Variants in LDAH observed in about 807,000 individuals in gnomAD.
LDAH encodes lipid droplet-associated hydrolase.
LDAH carries 26 observed loss-of-function variants against 29.6 expected under a neutral mutation model. The observed-to-expected ratio is 0.88, with a 90% CI of 0.64 to 1.22. The LOEUF (loss-of-function observed/expected upper bound fraction) is 1.22, where lower values mean the gene tolerates loss of function less well. LDAH is among the 50% of genes most tolerant of loss of function. The pLI is 0.00. For synonymous variants in LDAH, 117 were observed against 133.0 expected, an observed-to-expected ratio of 0.88 and a Z score of 0.83; for missense variants, 344 against 387.3, an observed-to-expected ratio of 0.89 and a Z score of 0.94.
rs187613342 is a variant in LDAH at position 20,752,956 on chromosome 2, T to C, written c.469-12751A>G. Among the ~76,000 whole-genome samples the C allele has an allele frequency of 5.4e-4, 77 of 143,002 alleles. 1 individual carries two copies. Among genetic ancestry groups the C allele is most frequent in the African/African-American group, 1.7e-3 (63 of 38,126 alleles). 93.8% of individuals were successfully genotyped at this position (143,002 alleles called of 152,430 possible). Reference sequence around the variant, plus strand: ...TTGCCTCACTCATTCTAAGCTGTATTCTTTGGAGAGAAAACAACGACAACA... The same window carrying C: ...TTGCCTCACTCATTCTAAGCTGTATCCTTTGGAGAGAAAACAACGACAACA... On this transcript the variant is annotated intron_variant, in intron 4 of 6. Coordinates refer to ENST00000237822, the MANE Select transcript of LDAH (RefSeq NM_021925.4).
intron 4 of LDAH, among the ~76,000 whole-genome samples, chr2:20,753,658 C>A (rs1668112258): frequency 6.6e-6 from 1 of 152,186 alleles, no homozygotes; most frequent in African/African-American, 2.4e-5. Flanking sequence ...TCACTTTGCT[C>A]CAGTCACACT....
chr2:20,735,316 T>C (rs1050103149), intron 5 of LDAH, among the ~76,000 whole-genome samples: 4 of 152,162 alleles, frequency 2.6e-5, no homozygotes, highest in Non-Finnish European at 4.4e-5. Context: ...TTCCCCTTTT[T>C]AGTCTATTTT....
chr2:20,812,938 C>T (rs1329187974), intron 1 of LDAH, among the ~76,000 whole-genome samples: 1 of 152,144 alleles, frequency 6.6e-6, no homozygotes, highest in Non-Finnish European at 1.5e-5. Context: ...TTCATCCTCC[C>T]ACCCCAAGAA....
chr2:20,701,060 C>T (rs899852933), intron 6 of LDAH, among the ~76,000 whole-genome samples: 12 of 152,174 alleles, frequency 7.9e-5, no homozygotes, highest in Non-Finnish European at 1.8e-4. Flanking sequence ...GAGATTGGTG[C>T]TTCCAGATGT....
intron 5 of LDAH, among the ~76,000 whole-genome samples, chr2:20,722,377 C>CAAAAAA (rs141440507): frequency 2.0e-4 from 14 of 70,826 alleles, no homozygotes; most frequent in Non-Finnish European, 3.1e-4. Flanking sequence ...GAAACTGTCT[C>CAAAAAA]AAAAAAAAAA....
chr2:20,821,705 T>C (rs567272220), intron 1 of LDAH, among the ~76,000 whole-genome samples: 2 of 152,256 alleles, frequency 1.3e-5, no homozygotes, highest in East Asian at 1.9e-4. Flanking sequence ...ACATGGCACA[T>C]GTATACATAT....
Position 20,684,787 on chromosome 2 carries a change from G to T in LDAH, c.*2116C>A. On this transcript the variant is annotated 3_prime_UTR_variant, in exon 7 of 7. Transcript: ENST00000237822. ...TGCAGGAAGTTAAAACTTTCACAAAGACCATCCATGTGGTTGACTGGGACA... is the reference window on the plus strand; with the variant it reads ...TGCAGGAAGTTAAAACTTTCACAAATACCATCCATGTGGTTGACTGGGACA... 1 of 1,380,354 alleles carries T rather than the reference G, an allele frequency of 7.2e-7. No individual in the cohort carries two copies. 85.5% of individuals were successfully genotyped at this position (1,380,354 alleles called of 1,614,324 possible).
chr2:20,775,377 G>C (rs1220974019), intron 3 of LDAH, among the ~76,000 whole-genome samples: 3 of 152,148 alleles, frequency 2.0e-5, no homozygotes, highest in Non-Finnish European at 4.4e-5. Context: ...TTAAAGGCTT[G>C]TTAAAACATA....
At chr2:20,711,510 A>C (rs1278282645) in intron 5 of LDAH, among the ~76,000 whole-genome samples, 1 of 152,112 alleles carries the variant, frequency 6.6e-6, no homozygotes, top group Non-Finnish European at 1.5e-5. Flanking sequence ...CAACTGAGGT[A>C]CCTGGTTCAT....
chr2:20,755,766 G>A (rs1668299604), intron 4 of LDAH, among the ~76,000 whole-genome samples: 1 of 152,224 alleles, frequency 6.6e-6, no homozygotes, highest in Non-Finnish European at 1.5e-5. Flanking sequence ...AACAATATAA[G>A]TGAAAGCCAA....
At chr2:20,789,089 T>C in intron 3 of LDAH, 1 of 1,538,860 alleles carries the variant, frequency 6.5e-7, no homozygotes, top group Admixed American at 2.0e-5. Flanking sequence ...TTTCTGTCTG[T>C]TGTACCTCTG....
chr2:20,712,344 C>T (rs1572452624), intron 5 of LDAH, among the ~76,000 whole-genome samples: 1 of 152,310 alleles, frequency 6.6e-6, no homozygotes, highest in Non-Finnish European at 1.5e-5. Flanking sequence ...GCATCAACAT[C>T]AACCAAAAGG....
chr2:20,723,963 C>T (rs187797074), intron 5 of LDAH, among the ~76,000 whole-genome samples: 120 of 152,282 alleles, frequency 7.9e-4, no homozygotes, highest in South Asian at 3.5e-3. Flanking sequence ...TATTTACTAA[C>T]ATTATTTTCT....
At chr2:20,687,132 G>T in intron 6 of LDAH, 38 bp from the exon 7 acceptor site, 1 of 1,552,430 alleles carries the variant, frequency 6.4e-7, no homozygotes, top group Non-Finnish European at 8.8e-7. Flanking sequence ...TAGAAAACAC[G>T]TTCCCTTCCT....
At chr2:20,737,042 G>C (rs1035070090) in intron 5 of LDAH, among the ~76,000 whole-genome samples, 1 of 152,242 alleles carries the variant, frequency 6.6e-6, no homozygotes, top group Admixed American at 6.5e-5. Context: ...ATAAAACATT[G>C]CTCCTTTCCT....
chr2:20,720,799 G>A (rs775608540), intron 5 of LDAH, among the ~76,000 whole-genome samples: 6 of 152,092 alleles, frequency 3.9e-5, no homozygotes, highest in South Asian at 2.1e-4. Flanking sequence ...ACAGACCAAT[G>A]GAATGTAATA....
intron 3 of LDAH, among the ~76,000 whole-genome samples, chr2:20,785,319 T>C (rs1670475108): frequency 6.6e-6 from 1 of 152,234 alleles, no homozygotes. Flanking sequence ...TTTCACTAGA[T>C]AGAGAAATCC....
At chr2:20,733,830 T>G (rs868282912) in intron 5 of LDAH, among the ~76,000 whole-genome samples, 4 of 152,176 alleles carry the variant, frequency 2.6e-5, no homozygotes, top group Middle Eastern at 3.2e-3. Context: ...TGAGCTATAG[T>G]TTTATTAATT....
chr2:20,735,478 A>G (rs200322974), intron 5 of LDAH, among the ~76,000 whole-genome samples: 2 of 151,136 alleles, frequency 1.3e-5, no homozygotes, highest in South Asian at 2.1e-4. Flanking sequence ...CTTTCCTAAG[A>G]TTTTCTATCT....
Sources: gnomAD v4.1 joint callset for allele counts (sites outside exome capture counted in the v4.1 genomes callset) on GRCh38, gnomAD v4.1.1 for gene constraint, MANE v1.5 for transcripts, NCBI Gene and HGNC (gene_info 2026-07-23, HGNC 2026-07-21) for gene names.